Variants in ZNF423 observed in about 807,000 individuals in gnomAD.
The protein encoded by ZNF423 is Ebf-associated zinc finger protein.
In ZNF423, 12 loss-of-function variants were observed where a neutral mutation model predicts 95.8. The ratio of observed to expected loss-of-function variants is 0.13; its 90% CI spans 0.08 to 0.20. The LOEUF is 0.20. Ranked by LOEUF, ZNF423 falls within the 10% of genes least tolerant of loss-of-function variation. The pLI is 1.00. For missense variants in ZNF423, 1,316 were observed against 1,737.1 expected (o/e 0.76, Z 4.31); for synonymous variants, 749 against 711.9 (o/e 1.05, Z -0.83).
At chr16:49,738,583 T>C (rs1460440308) in intron 2 of ZNF423, among the ~76,000 whole-genome samples, 2 of 151,984 alleles carry the variant, frequency 1.3e-5, no homozygotes, top group Non-Finnish European at 2.9e-5. Context: ...TCAGGGGATA[T>C]AGGAGCCTTG....
At chr16:49,538,520 G>C (rs759347817) in intron 5 of ZNF423, among the ~76,000 whole-genome samples, 7 of 152,098 alleles carry the variant, frequency 4.6e-5, no homozygotes, top group Non-Finnish European at 1.0e-4. Flanking sequence ...TCCTCCCCAG[G>C]CTCCACAGCC....
In ZNF423 at chr16:49,830,535, G is replaced by A. The variant is rs778111300; in HGVS notation, c.40+25200C>T. ...TGAGATTGGTGCAGGATGTTCAAGG[G>A]ATGCCGTTGTCAACACAGTGAGATA... On this transcript the variant is annotated intron_variant, in intron 1 of 7. Coordinates refer to ENST00000563137, the MANE Select transcript of ZNF423 (RefSeq NM_001379286.1). Among the ~76,000 whole-genome samples the A allele has an allele frequency of 1.1e-3, 168 of 152,182 alleles. 5 individuals carry two copies. Among genetic ancestry groups the A allele is most frequent in the Admixed American group, 3.3e-4 (5 of 15,288 alleles).
chr16:49,636,416 C>T lies in ZNF423; in HGVS notation c.2760G>A (p.Arg920=), dbSNP rs1478699895. The T allele has an allele frequency of 6.2e-7, 1 of 1,613,348 alleles. No individual in the cohort carries two copies. Among genetic ancestry groups the T allele is most frequent in the Admixed American group, 1.7e-5 (1 of 60,034 alleles). Residue 920 remains arginine (R), a synonymous_variant, in exon 4 of 8, where the codon CGG becomes CGA. Coordinates refer to ENST00000563137, the MANE Select transcript of ZNF423 (RefSeq NM_001379286.1). This position sits in a 1 kb window ranked among gnomAD's most constrained non-coding sequence, Gnocchi z 8.6. Reference sequence around the variant, plus strand: ...TGCGTGAGCCATCATCCTCGCCCGGCCGGATATTGTGGTCCCGCAGCCGGT... The same window carrying T: ...TGCGTGAGCCATCATCCTCGCCCGGTCGGATATTGTGGTCCCGCAGCCGGT... ...QNHRLRDHNI[R]PGEDDGSRKK... is the part of the protein sequence containing the mutation.
At chr16:49,846,844 G>A (rs543890738) in intron 1 of ZNF423, among the ~76,000 whole-genome samples, 1 of 152,186 alleles carries the variant, frequency 6.6e-6, no homozygotes, top group South Asian at 2.1e-4. Flanking sequence ...TATGTTGCTG[G>A]TGGCTCCAAG....
chr16:49,627,632 C>T (rs1468444155), intron 4 of ZNF423, among the ~76,000 whole-genome samples: 1 of 148,828 alleles, frequency 6.7e-6, no homozygotes, highest in Non-Finnish European at 1.5e-5. Flanking sequence ...CTCCATCTAC[C>T]CGTCCGTCTC....
chr16:49,732,649 C>T lies in ZNF423; in HGVS notation c.101-1678G>A, dbSNP rs528957393. On this transcript the variant is annotated intron_variant, in intron 2 of 7. Coordinates refer to ENST00000563137, the MANE Select transcript of ZNF423 (RefSeq NM_001379286.1). ...CAACCTGCAAACCCCTGAGGGCGGG[C>T]GCCAAAGCAAGAAAGACAGACACGA... 4.6e-5 allele frequency among the ~76,000 whole-genome samples: 7 copies of T among 152,284 alleles called. No homozygotes were observed. The South Asian group carries it at 6.2e-4, about 14-fold the overall frequency.
intron 5 of ZNF423, among the ~76,000 whole-genome samples, chr16:49,599,491 C>G (rs1022287018): frequency 6.6e-6 from 1 of 152,166 alleles, no homozygotes; most frequent in East Asian, 1.9e-4. Flanking sequence ...GAAGGTCACA[C>G]AGCAAGTGAG....
chr16:49,697,836 C>T (rs2032030583), intron 3 of ZNF423, among the ~76,000 whole-genome samples: 2 of 152,256 alleles, frequency 1.3e-5, no homozygotes, highest in Admixed American at 1.3e-4. Context: ...GGCATGAGCC[C>T]GCGGTGATGC....
intron 2 of ZNF423, among the ~76,000 whole-genome samples, chr16:49,767,204 C>T (rs2033945818): frequency 6.6e-6 from 1 of 152,074 alleles, no homozygotes; most frequent in Non-Finnish European, 1.5e-5. Flanking sequence ...TATCCTCCTG[C>T]ATCGGCCTCC....
At chr16:49,644,811 G>A (rs1973117721) in intron 3 of ZNF423, among the ~76,000 whole-genome samples, 6 of 151,950 alleles carry the variant, frequency 3.9e-5, no homozygotes, top group Admixed American at 2.0e-4. Flanking sequence ...GGGTCGCCTG[G>A]GTGCATCCCA....
intron 3 of ZNF423, among the ~76,000 whole-genome samples, chr16:49,669,141 C>T (rs181032312): frequency 5.3e-5 from 8 of 152,028 alleles, no homozygotes; most frequent in Admixed American, 1.3e-4. Flanking sequence ...ACCAGCCTGA[C>T]CAACATGAAG....
intron 3 of ZNF423, among the ~76,000 whole-genome samples, chr16:49,661,916 G>A (rs896358075): frequency 6.6e-6 from 1 of 152,206 alleles, no homozygotes; most frequent in Non-Finnish European, 1.5e-5. Context: ...AATCCCTTCT[G>A]CCTCCTCGGG....
intron 2 of ZNF423, among the ~76,000 whole-genome samples, chr16:49,753,517 T>A (rs1466934864): frequency 1.3e-5 from 2 of 149,608 alleles, no homozygotes; most frequent in Non-Finnish European, 3.0e-5. Context: ...GCAGGAGGAC[T>A]ACTTGATCCC....
At chr16:49,648,133 T>C (rs932468612) in intron 3 of ZNF423, among the ~76,000 whole-genome samples, 6 of 152,204 alleles carry the variant, frequency 3.9e-5, no homozygotes, top group Non-Finnish European at 8.8e-5. Context: ...AAGAGAAATA[T>C]GGATATTAAT....
chr16:49,815,500 G>A (rs1462150500), intron 1 of ZNF423, among the ~76,000 whole-genome samples: 1 of 152,150 alleles, frequency 6.6e-6, no homozygotes, highest in Non-Finnish European at 1.5e-5. Context: ...TGGGAAAGCT[G>A]AGGCACAGGG....
chr16:49,689,792 T>C (rs2031710645), intron 3 of ZNF423, among the ~76,000 whole-genome samples: 1 of 152,106 alleles, frequency 6.6e-6, no homozygotes, highest in Non-Finnish European at 1.5e-5. Context: ...TGGAGATGCA[T>C]CTGGGAGGGG....
At chr16:49,733,493 G>C (rs2033216858) in intron 2 of ZNF423, among the ~76,000 whole-genome samples, 1 of 152,098 alleles carries the variant, frequency 6.6e-6, no homozygotes, top group Non-Finnish European at 1.5e-5. Context: ...GTTGACTCGG[G>C]AGTAGATAAA....
At chr16:49,804,936 G>A (rs1416526271) in intron 1 of ZNF423, among the ~76,000 whole-genome samples, 1 of 111,244 alleles carries the variant, frequency 9.0e-6, no homozygotes, top group Non-Finnish European at 1.7e-5. Flanking sequence ...TACTTACTCT[G>A]TCCCCCAGGC....
chr16:49,614,982 C>T (rs11076488), intron 5 of ZNF423, among the ~76,000 whole-genome samples: 76,209 of 151,846 alleles, frequency 0.5, 20,183 homozygotes, highest in African/African-American at 0.68. Context: ...AAAACAAAAA[C>T]TGGCCAGGTG....
Sources: allele counts gnomAD v4.1 joint callset (sites outside exome capture counted in the v4.1 genomes callset), GRCh38; gene constraint gnomAD v4.1.1; non-coding constraint Gnocchi (gnomAD v3.1); transcripts MANE v1.5; gene names NCBI Gene and HGNC (gene_info 2026-07-23, HGNC 2026-07-21).